The following AUTS2 variants were observed in gnomAD, a reference collection of about 807,000 sequenced individuals.
AUTS2 encodes the protein autism susceptibility gene 2 protein.
AUTS2 carries 17 observed loss-of-function variants against 112.4 expected under a neutral mutation model. That is an observed-to-expected ratio of 0.15 (90% CI 0.10 to 0.23). The LOEUF (loss-of-function observed/expected upper bound fraction) is 0.23, where lower values mean the gene tolerates loss of function less well. Among genes scored for constraint, AUTS2 ranks in the 10% least tolerant of loss-of-function variants. The pLI is 1.00. For synonymous variants in AUTS2, 751 were observed against 702.7 expected (o/e 1.07, Z -1.09); for missense variants, 1,510 against 1,701.6 (o/e 0.89, Z 1.98).
intron 4 of AUTS2, among the ~76,000 whole-genome samples, chr7:70,211,354 A>T (rs1340394515): frequency 1.3e-5 from 2 of 151,328 alleles, no homozygotes; most frequent in Admixed American, 6.6e-5. Flanking sequence ...TTTTTAAAAG[A>T]AAAAAGACTT....
At chr7:70,408,193 AG>A (rs1320288543) in intron 4 of AUTS2, among the ~76,000 whole-genome samples, 1 of 151,826 alleles carries the variant, frequency 6.6e-6, no homozygotes, top group Non-Finnish European at 1.5e-5. Flanking sequence ...AAAAAAAAAA[AG>A]AATACAGTGG....
intron 4 of AUTS2, among the ~76,000 whole-genome samples, chr7:70,396,522 G>C (rs1227634534): frequency 6.6e-6 from 1 of 152,040 alleles, no homozygotes; most frequent in African/African-American, 2.4e-5. Flanking sequence ...GATTACAGGT[G>C]TATACCACCA....
intron 4 of AUTS2, among the ~76,000 whole-genome samples, chr7:70,170,924 A>G (rs1179782713): frequency 6.6e-6 from 1 of 152,086 alleles, no homozygotes; most frequent in Non-Finnish European, 1.5e-5. Flanking sequence ...TTGCCTTTAT[A>G]ACTCTATTTA....
chr7:70,015,389 T>C (rs1027866664), intron 2 of AUTS2, among the ~76,000 whole-genome samples: 3 of 152,160 alleles, frequency 2.0e-5, no homozygotes, highest in African/African-American at 7.2e-5. Context: ...AAACAAAAAA[T>C]TGAGGTTAAA....
intron 5 of AUTS2, among the ~76,000 whole-genome samples, chr7:70,675,775 C>T (rs1185240331): frequency 6.6e-6 from 1 of 152,174 alleles, no homozygotes; most frequent in Non-Finnish European, 1.5e-5. Context: ...CACAGAACGG[C>T]GTCTGGGTTG....
intron 2 of AUTS2, among the ~76,000 whole-genome samples, chr7:70,000,708 A>G (rs940796424): frequency 1.3e-5 from 2 of 152,208 alleles, no homozygotes; most frequent in African/African-American, 2.4e-5. Flanking sequence ...AGATCAAAAT[A>G]ATAAGAACAG....
chr7:70,388,612 T>G (rs1793716087), intron 4 of AUTS2, among the ~76,000 whole-genome samples: 1 of 152,212 alleles, frequency 6.6e-6, no homozygotes, highest in South Asian at 2.1e-4. Context: ...TGCCTTTGCA[T>G]TTGCATAATA....
At chr7:70,658,330 C>G (rs962085610) in intron 5 of AUTS2, among the ~76,000 whole-genome samples, 1 of 152,136 alleles carries the variant, frequency 6.6e-6, no homozygotes. Flanking sequence ...AAAGACCACT[C>G]CCCCCCAACA....
intron 4 of AUTS2, among the ~76,000 whole-genome samples, chr7:70,333,865 G>A (rs922474181): frequency 2.0e-5 from 3 of 152,128 alleles, no homozygotes; most frequent in African/African-American, 7.2e-5. Flanking sequence ...TAGATGATGG[G>A]TTGATGGGTG....
At chr7:70,545,411 G>A (rs928121283) in intron 5 of AUTS2, among the ~76,000 whole-genome samples, 28 of 152,150 alleles carry the variant, frequency 1.8e-4, no homozygotes, top group Admixed American at 9.2e-4. Flanking sequence ...AGGAAATAAC[G>A]GCCTGAGGCA....
chr7:70,050,690 A>G (rs953959093), intron 2 of AUTS2, among the ~76,000 whole-genome samples: 9 of 151,850 alleles, frequency 5.9e-5, no homozygotes, highest in African/African-American at 1.5e-4. Flanking sequence ...TGCCATCCCT[A>G]TCTACATTAA....
At chr7:69,901,843 A>G (rs1794981562) in intron 2 of AUTS2, among the ~76,000 whole-genome samples, 1 of 152,194 alleles carries the variant, frequency 6.6e-6, no homozygotes, top group Non-Finnish European at 1.5e-5. Flanking sequence ...GCTATTATGA[A>G]ATCCCAAACA....
chr7:70,322,779 T>C (rs1790313181), intron 4 of AUTS2, among the ~76,000 whole-genome samples: 1 of 152,212 alleles, frequency 6.6e-6, no homozygotes. Context: ...CTCAGGCAGA[T>C]GCTGGTACCA....
At chr7:70,131,789 G>C (rs537609221) in intron 3 of AUTS2, among the ~76,000 whole-genome samples, 20 of 152,040 alleles carry the variant, frequency 1.3e-4, no homozygotes, top group African/African-American at 4.6e-4. Context: ...TATATGATAC[G>C]TGTTGTGAGC....
Position 70,790,049 on chromosome 7 carries a change from C to T in AUTS2, c.2833C>T (p.Arg945Trp). 2.5e-6 allele frequency: 4 copies of T among 1,578,262 alleles called. No individual in the cohort carries two copies. Among genetic ancestry groups the T allele is most frequent in the Non-Finnish European group, 1.7e-6 (2 of 1,163,526 alleles). Residue 945 changes from arginine (R) to tryptophan (W), a missense_variant, in exon 19 of 19, where the codon CGG (arginine) becomes TGG (tryptophan). This residue lies in a region of AUTS2 where 788 missense variants were observed against 797.6 expected (regional missense o/e 0.99). Coordinates refer to ENST00000342771, the MANE Select transcript of AUTS2 (RefSeq NM_015570.4). This position sits in a 1 kb window ranked among gnomAD's most constrained non-coding sequence, Gnocchi z 7.6. ...QLARVPSPYVRTPVVESARPN... is the reference protein window; with the variant it reads ...QLARVPSPYVWTPVVESARPN... ...GGCCCGGGTGCCGTCTCCCTACGTGCGGACCCCGGTGGTGGAGAGTGCCAG... is the reference window on the plus strand; with the variant it reads ...GGCCCGGGTGCCGTCTCCCTACGTGTGGACCCCGGTGGTGGAGAGTGCCAG...
intron 6 of AUTS2, among the ~76,000 whole-genome samples, chr7:70,740,573 C>T (rs1431198692): frequency 6.6e-6 from 1 of 152,086 alleles, no homozygotes; most frequent in Non-Finnish European, 1.5e-5. Context: ...AATACATTTT[C>T]ATTGAATGAA....
chr7:70,258,078 T>C (rs1786975740), intron 4 of AUTS2, among the ~76,000 whole-genome samples: 1 of 152,216 alleles, frequency 6.6e-6, no homozygotes, highest in Non-Finnish European at 1.5e-5. Context: ...CATATTCTGC[T>C]CTAATTTGAC....
chr7:69,777,792 AG>A (rs1407365303), intron 1 of AUTS2, among the ~76,000 whole-genome samples: 3 of 152,134 alleles, frequency 2.0e-5, no homozygotes, highest in African/African-American at 7.2e-5. Context: ...TGAAATGAAA[AG>A]CATCTTTGGA....
At chr7:70,429,036 C>A (rs1795543860) in intron 4 of AUTS2, among the ~76,000 whole-genome samples, 1 of 152,188 alleles carries the variant, frequency 6.6e-6, no homozygotes, top group African/African-American at 2.4e-5. Context: ...TCTTCTGGGC[C>A]CCAACTCTAG....
Sources: gnomAD v4.1 joint callset for allele counts (sites outside exome capture counted in the v4.1 genomes callset) on GRCh38, gnomAD v4.1.1 for gene constraint, gnomAD v4.1.1 regional missense constraint, Gnocchi (gnomAD v3.1) non-coding constraint, MANE v1.5 for transcripts, NCBI Gene and HGNC (gene_info 2026-07-23, HGNC 2026-07-21) for gene names.